KLRF2: variants seen among roughly 807,000 people sequenced by gnomAD.
KLRF2 encodes killer cell lectin like receptor F2.
KLRF2 carries 28 observed loss-of-function variants against 25.3 expected under a neutral mutation model. The observed-to-expected ratio is 1.11, with a 90% confidence interval of 0.82 to 1.52. The LOEUF (loss-of-function observed/expected upper bound fraction) is 1.52. Among genes scored for constraint, KLRF2 ranks in the 40% most tolerant of loss-of-function variants. KLRF2 has a pLI of 0.00. For missense variants in KLRF2, 265 were observed against 245.8 expected, an observed-to-expected ratio of 1.08 and a Z score of -0.52; for synonymous variants, 73 against 85.0, an observed-to-expected ratio of 0.86 and a Z score of 0.78.
At chr12:9,890,136 A>T (rs779500126) in intron 3 of KLRF2, among the ~76,000 whole-genome samples, 18 of 152,182 alleles carry the variant, frequency 1.2e-4, no homozygotes, top group Non-Finnish European at 2.1e-4. Context: ...TATACCATTG[A>T]ATATTTAAAT....
intron 1 of KLRF2, among the ~76,000 whole-genome samples, chr12:9,884,027 GC>G (rs1868123140): frequency 6.6e-6 from 1 of 152,060 alleles, no homozygotes; most frequent in African/African-American, 2.4e-5. Flanking sequence ...CACTAGCCTG[GC>G]AAACTGACTA....
intron 3 of KLRF2, among the ~76,000 whole-genome samples, chr12:9,892,153 T>A (rs1157865762): frequency 6.6e-6 from 1 of 152,308 alleles, no homozygotes; most frequent in South Asian, 2.1e-4. Context: ...GTCTTACAGA[T>A]AGCAGAAATT....
At chr12:9,889,858 A>C (rs1401519968) in intron 3 of KLRF2, among the ~76,000 whole-genome samples, 1 of 152,078 alleles carries the variant, frequency 6.6e-6, no homozygotes, top group African/African-American at 2.4e-5. Flanking sequence ...ATCAATATAT[A>C]AAGTTAAATA....
intron 2 of KLRF2, among the ~76,000 whole-genome samples, chr12:9,888,494 A>AAT (rs941862456): frequency 3.5e-4 from 54 of 152,172 alleles, no homozygotes; most frequent in Admixed American, 2.2e-3. Flanking sequence ...TGTCTCAAAA[A>AAT]AAAAATAAAA....
intron 4 of KLRF2, 71 bp downstream of exon 4, chr12:9,893,239 G>A (rs1392372482): frequency 7.1e-7 from 1 of 1,403,428 alleles, no homozygotes; most frequent in Non-Finnish European, 9.6e-7. Context: ...TGCCTAAGAA[G>A]CTTGGGAGGT....
rs550732518 is a variant in KLRF2 at position 9,889,297 on chromosome 12, A to C, written c.217+517A>C. Among the ~76,000 whole-genome samples the C allele has an allele frequency of 2.6e-5, 4 of 152,312 alleles. No individual in the cohort carries two copies. In the South Asian group the frequency reaches 8.3e-4, roughly 32 times the overall value. ...ACTGTGATGATTAATTTTCTGTGTC[A>C]ACTTGGCTAGGCCACCATACCTAGG... is the stretch of plus-strand genomic sequence containing the variant. On this transcript the variant is annotated intron_variant, in intron 3 of 5. Transcript: ENST00000535540.
chr12:9,888,565 C>A (rs569215660), intron 2 of KLRF2, among the ~76,000 whole-genome samples, 168 bp from the exon 3 acceptor site: 1 of 151,784 alleles, frequency 6.6e-6, no homozygotes, highest in Non-Finnish European at 1.5e-5. Context: ...ACAGATATGG[C>A]GAAACGTAGT....
intron 2 of KLRF2, among the ~76,000 whole-genome samples, chr12:9,885,765 C>T (rs1405246116): frequency 6.6e-6 from 1 of 151,930 alleles, no homozygotes; most frequent in Admixed American, 6.6e-5. Flanking sequence ...CAATCATATA[C>T]CTCAAAATTG....
At chr12:9,884,580 A>G (rs963076207) in intron 1 of KLRF2, among the ~76,000 whole-genome samples, 4 of 148,798 alleles carry the variant, frequency 2.7e-5, no homozygotes, top group Non-Finnish European at 6.0e-5. Flanking sequence ...AGAATAATAT[A>G]TATGTTTACA....
In KLRF2 at chr12:9,893,480, T is replaced by C; in HGVS notation, c.418T>C (p.Tyr140His). The change falls in exon 5 of 6, where the codon TAT becomes CAT. Residue 140 changes from tyrosine (Y) to histidine (H), a missense_variant. By Grantham distance (83) the Tyr-to-His change is moderately conservative. Transcript: ENST00000535540. ...KPGHFGWIGL[Y>H]VTFQGNLWMW... ...TGGACATTTTGGTTGGATTGGACTA[T>C]ATGTTACATTCCAAGGGAACCTATG... 1.3e-6 allele frequency: 2 copies of C among 1,523,224 alleles called. No homozygotes were observed. Among genetic ancestry groups the C allele is most frequent in the Non-Finnish European group, 1.8e-6 (2 of 1,135,978 alleles). The allele number at this position is 1,523,224 out of a possible 1,614,324, so 94.4% of individuals were successfully genotyped here.
At chr12:9,895,174 A>C (rs1453497550) in intron 5 of KLRF2, among the ~76,000 whole-genome samples, 1 of 152,228 alleles carries the variant, frequency 6.6e-6, no homozygotes, top group Non-Finnish European at 1.5e-5. Context: ...CTCCCAACTC[A>C]CATCATTATA....
chr12:9,886,981 C>A (rs976736186), intron 2 of KLRF2, among the ~76,000 whole-genome samples: 7 of 151,646 alleles, frequency 4.6e-5, no homozygotes, highest in Admixed American at 4.6e-4. Context: ...TGGTAGCTAA[C>A]CAAATATCCC....
At position 9,893,158 on chromosome 12, in the gene KLRF2, T is replaced by G. The variant is rs1200975291; in HGVS notation, c.356T>G (p.Leu119Trp). ...GCACATTTACTGGTGATTCAAAATT[T>G]GGATGAGCTGGTGAGAAATCAAAAA... is the stretch of plus-strand genomic sequence containing the variant. ...LQAHLLVIQN[L>W]DELEFIQNSL... Residue 119 changes from leucine (L) to tryptophan (W), a missense_variant, in exon 4 of 6, where the codon TTG (leucine) becomes TGG (tryptophan). Physicochemically the swap from Leu to Trp is moderately conservative, Grantham distance 61 (BLOSUM62 -2). Transcript: ENST00000535540. 1.3e-6 allele frequency: 2 copies of G among 1,532,214 alleles called. No homozygotes were observed. Among genetic ancestry groups the G allele is most frequent in the African/African-American group, 1.4e-5 (1 of 73,100 alleles). 94.9% of individuals were successfully genotyped at this position (1,532,214 alleles called of 1,614,324 possible).
rs187962745 is a variant in KLRF2 at position 9,893,057 on chromosome 12, C to T, written c.255C>T (p.Asn85=). The T allele has an allele frequency of 8.5e-4, 1,311 of 1,535,322 alleles. 8 individuals are homozygous for T. Among genetic ancestry groups the T allele is most frequent in the African/African-American group, 8.5e-3 (620 of 73,074 alleles). ...NYLCPNDWLL[N]EGKCYWFSTS... is the part of the protein sequence containing the mutation. ...TGTGCCCAAATGACTGGCTGTTGAACGAAGGGAAATGTTACTGGTTTTCAA... is the reference window on the plus strand; with the variant it reads ...TGTGCCCAAATGACTGGCTGTTGAATGAAGGGAAATGTTACTGGTTTTCAA... Residue 85 remains asparagine, a synonymous_variant, in exon 4 of 6, where the codon AAC becomes AAT. Coordinates refer to ENST00000535540, the MANE Select transcript of KLRF2 (RefSeq NM_001190765.1).
chr12:9,890,827 T>C (rs371195108), intron 3 of KLRF2, among the ~76,000 whole-genome samples: 2 of 152,230 alleles, frequency 1.3e-5, no homozygotes, highest in African/African-American at 4.8e-5. Context: ...ACACAGGTCA[T>C]GTGCACCAGA....
At chr12:9,891,567 A>C (rs560993839) in intron 3 of KLRF2, among the ~76,000 whole-genome samples, 1 of 152,266 alleles carries the variant, frequency 6.6e-6, no homozygotes, top group East Asian at 1.9e-4. Context: ...TCCCCTCTCA[A>C]ATCATAACTT....
chr12:9,884,368 TATA>T (rs1477760518), intron 1 of KLRF2, among the ~76,000 whole-genome samples: 1 of 151,692 alleles, frequency 6.6e-6, no homozygotes, highest in Non-Finnish European at 1.5e-5. Context: ...CCCAGAAAAA[TATA>T]ATATATTACA....
intron 3 of KLRF2, among the ~76,000 whole-genome samples, chr12:9,889,872 C>T (rs1862653697): frequency 6.6e-6 from 1 of 151,486 alleles, no homozygotes; most frequent in African/African-American, 2.4e-5. Context: ...TTAAATAATC[C>T]CTATGTACCT....
intron 5 of KLRF2, among the ~76,000 whole-genome samples, chr12:9,895,441 T>A (rs573349468): frequency 6.2e-4 from 94 of 152,300 alleles, no homozygotes; most frequent in African/African-American, 2.1e-3. Flanking sequence ...CAGGCGTAGA[T>A]AATGAGAGGT....
Sources: allele counts gnomAD v4.1 joint callset (sites outside exome capture counted in the v4.1 genomes callset), GRCh38; gene constraint gnomAD v4.1.1; transcripts MANE v1.5; gene names NCBI Gene and HGNC (gene_info 2026-07-23, HGNC 2026-07-21).